The following TNFRSF11B variants were observed in gnomAD, a reference collection of about 807,000 sequenced individuals.
TNFRSF11B encodes the protein tumor necrosis factor receptor superfamily member 11B.
A neutral mutation model predicts 43.4 loss-of-function variants in TNFRSF11B; 16 were observed. That is an observed-to-expected ratio of 0.37 (90% CI 0.25 to 0.56). The LOEUF (loss-of-function observed/expected upper bound fraction) is 0.56, where lower values mean the gene tolerates loss of function less well. Ranked by LOEUF, TNFRSF11B falls within the 20% of genes least tolerant of loss-of-function variation. TNFRSF11B has a pLI of 0.80. For synonymous variants in TNFRSF11B, 185 were observed against 181.8 expected (o/e 1.02, Z -0.14); for missense variants, 444 against 490.1 (o/e 0.91, Z 0.89).
chr8:118,944,094 C>T (rs1812526671), intron 1 of TNFRSF11B, among the ~76,000 whole-genome samples: 1 of 152,126 alleles, frequency 6.6e-6, no homozygotes, highest in Admixed American at 6.6e-5. Flanking sequence ...CCTCAATGAT[C>T]AGATATAACT....
intron 1 of TNFRSF11B, among the ~76,000 whole-genome samples, chr8:118,937,312 C>T (rs1165151642): frequency 6.6e-6 from 1 of 152,074 alleles, no homozygotes; most frequent in Non-Finnish European, 1.5e-5. Flanking sequence ...TGCTCTAATC[C>T]CCTTCATACT....
In TNFRSF11B at chr8:118,948,549, T is replaced by G. The variant is rs11573821; in HGVS notation, c.30+3243A>C. Among the ~76,000 whole-genome samples, 34 of 152,180 alleles carry G rather than the reference T, an allele frequency of 2.2e-4. No homozygotes were observed. In the East Asian group the frequency reaches 4.3e-3, roughly 19 times the overall value. ...CTTCTAGAACTAACCGGATAAACCA[T>G]CTGGTGCAGAACGCTTACTTCCTCA... On this transcript the variant is annotated intron_variant, in intron 1 of 4. Transcript: ENST00000297350.
chr8:118,925,870 C>G (rs1812238770), intron 4 of TNFRSF11B, among the ~76,000 whole-genome samples: 1 of 152,198 alleles, frequency 6.6e-6, no homozygotes, highest in Non-Finnish European at 1.5e-5. Context: ...CTGTTTCTCT[C>G]TCACACCATT....
chr8:118,948,700 A>C (rs1042069967), intron 1 of TNFRSF11B, among the ~76,000 whole-genome samples: 21 of 152,100 alleles, frequency 1.4e-4, no homozygotes, highest in Admixed American at 1.0e-3. Context: ...AGGGATCAGG[A>C]CTGTTTTGGA....
At chr8:118,936,430 A>G (rs756409699) in intron 1 of TNFRSF11B, among the ~76,000 whole-genome samples, 3 of 152,168 alleles carry the variant, frequency 2.0e-5, no homozygotes, top group Non-Finnish European at 4.4e-5. Flanking sequence ...ATCTTTGGTT[A>G]GCCCCAATTC....
intron 1 of TNFRSF11B, among the ~76,000 whole-genome samples, chr8:118,943,181 C>G (rs1396492785): frequency 1.3e-5 from 2 of 152,158 alleles, no homozygotes; most frequent in African/African-American, 2.4e-5. Flanking sequence ...TGTTACTCAT[C>G]ATACACTTAT....
rs756620500 is a variant in TNFRSF11B at position 118,926,498 on chromosome 8, G to C, written c.813C>G (p.Ile271Met). 1 of 1,610,256 alleles carries C rather than the reference G, an allele frequency of 6.2e-7. No individual in the cohort carries two copies. The highest frequency in any genetic ancestry group is 2.2e-5 in the East Asian group (1 of 44,866). ...NKDQDIVKKI[I>M]QDIDLCENSV... Reference sequence around the variant, plus strand: ...TTTTATTTTAGATTATCATACCTTGGATGATCTTCTTGACTATATCTTGGT... The same window carrying C: ...TTTTATTTTAGATTATCATACCTTGCATGATCTTCTTGACTATATCTTGGT... The change falls in exon 4 of 5, where the codon ATC becomes ATG. Residue 271 changes from isoleucine (I) to methionine (M), a missense_variant. Coordinates refer to ENST00000297350, the MANE Select transcript of TNFRSF11B (RefSeq NM_002546.4).
rs563442591 is a variant in TNFRSF11B, at chr8:118,933,627, T to C, written c.31-327A>G. Among the ~76,000 whole-genome samples the C allele has an allele frequency of 1.4e-4, 21 of 152,316 alleles. No individual in the cohort carries two copies. In the South Asian group the frequency reaches 1.9e-3, roughly 14 times the overall value. On this transcript the variant is annotated intron_variant, in intron 1 of 4. Transcript: ENST00000297350. ...ACTTTGTCGTCTTGGGTTGCAGGAT[T>C]ATCTCTAGGTGAGTGAGTTGGATTA... is the stretch of plus-strand genomic sequence containing the variant.
At chr8:118,929,151 ATTTTCTCG>A in intron 2 of TNFRSF11B, 1 of 568,366 alleles carries the variant, frequency 1.8e-6, no homozygotes, top group Non-Finnish European at 3.1e-6. Context: ...ATGCAAGTCA[ATTTTCTCG>A]TTACCTACAA....
chr8:118,925,269 AG>A (rs1812232585), intron 4 of TNFRSF11B, among the ~76,000 whole-genome samples: 1 of 152,222 alleles, frequency 6.6e-6, no homozygotes, highest in Non-Finnish European at 1.5e-5. Flanking sequence ...GAGGAACTAA[AG>A]GAGACACACA....
At chr8:118,950,249 G>T (rs1812621374) in intron 1 of TNFRSF11B, among the ~76,000 whole-genome samples, 1 of 152,226 alleles carries the variant, frequency 6.6e-6, no homozygotes, top group Middle Eastern at 3.4e-3. Context: ...CATATTAACG[G>T]CAGCATTATT....
chr8:118,926,745 G>T, intron 3 of TNFRSF11B, 27 bp from the exon 4 acceptor site: 1 of 1,586,516 alleles, frequency 6.3e-7, no homozygotes, highest in Non-Finnish European at 8.6e-7. Flanking sequence ...AAACCCAGAA[G>T]ATTTACTCAA....
chr8:118,927,643 T>G (rs1434798199), intron 3 of TNFRSF11B, among the ~76,000 whole-genome samples: 1 of 151,782 alleles, frequency 6.6e-6, no homozygotes, highest in East Asian at 1.9e-4. Flanking sequence ...GGAACTGGGT[T>G]AGAATCTCAT....
intron 1 of TNFRSF11B, among the ~76,000 whole-genome samples, chr8:118,939,243 T>C (rs986153854): frequency 9.9e-5 from 15 of 152,158 alleles, no homozygotes; most frequent in African/African-American, 3.1e-4. Flanking sequence ...ATACCTCCTC[T>C]CCCCTTTTCC....
chr8:118,925,267 A>G (rs1324388283), intron 4 of TNFRSF11B, among the ~76,000 whole-genome samples: 4 of 152,232 alleles, frequency 2.6e-5, no homozygotes, highest in Non-Finnish European at 4.4e-5. Flanking sequence ...TCGAGGAACT[A>G]AAGGAGACAC....
chr8:118,934,307 C>A (rs954431863), intron 1 of TNFRSF11B, among the ~76,000 whole-genome samples: 3 of 152,086 alleles, frequency 2.0e-5, no homozygotes, highest in Non-Finnish European at 2.9e-5. Flanking sequence ...TGCAGTTCAC[C>A]GAAAAGATTC....
rs746261898 is a variant in TNFRSF11B, at chr8:118,928,846, T to C, written c.484A>G (p.Lys162Glu). The C allele has an allele frequency of 1.9e-6, 3 of 1,614,232 alleles. No homozygotes were observed. In the South Asian group the frequency reaches 3.3e-5, roughly 18 times the overall value. The change falls in exon 3 of 5, where the codon AAA becomes GAA. Residue 162 changes from lysine to glutamate, a missense_variant. Coordinates refer to ENST00000297350, the MANE Select transcript of TNFRSF11B (RefSeq NM_002546.4). ...NETSSKAPCR[K>E]HTNCSVFGLL... Reference sequence around the variant, plus strand: ...CCAAAGACACTGCAATTTGTGTGTTTTCTACAGGGTGCTTTAGATGACGTC... The same window carrying C: ...CCAAAGACACTGCAATTTGTGTGTTCTCTACAGGGTGCTTTAGATGACGTC...
intron 1 of TNFRSF11B, among the ~76,000 whole-genome samples, chr8:118,947,431 C>G (rs558887600): frequency 6.6e-6 from 1 of 152,222 alleles, no homozygotes; most frequent in East Asian, 1.9e-4. Flanking sequence ...TTGCAAAGAG[C>G]CCATACTTTG....
Position 118,924,557 on chromosome 8 carries a change from G to T in TNFRSF11B, c.1023C>A (p.Thr341=). The T allele has an allele frequency of 6.2e-7, 1 of 1,614,158 alleles. No individual in the cohort carries two copies. Among genetic ancestry groups the T allele is most frequent in the Non-Finnish European group, 8.5e-7 (1 of 1,180,036 alleles). ...LWRIKNGDQD[T]LKGLMHALKH... ...TTAGTGCGTGCATTAGGCCCTTCAA[G>T]GTGTCTTGGTCGCCATTTTTTATTC... Residue 341 remains threonine, a synonymous_variant, in exon 5 of 5, where the codon ACC becomes ACA. Coordinates refer to ENST00000297350, the MANE Select transcript of TNFRSF11B (RefSeq NM_002546.4).
Sources: gnomAD v4.1 joint callset for allele counts (sites outside exome capture counted in the v4.1 genomes callset) on GRCh38, gnomAD v4.1.1 for gene constraint, MANE v1.5 for transcripts, NCBI Gene and HGNC (gene_info 2026-07-23, HGNC 2026-07-21) for gene names.